MYO5C: variants seen among roughly 807,000 people sequenced by gnomAD.
MYO5C encodes myosin VC.
A neutral mutation model predicts 235.7 loss-of-function variants in MYO5C; 194 were observed. The observed-to-expected ratio is 0.82, with a 90% CI of 0.73 to 0.93. MYO5C has a LOEUF of 0.93. Ranked by LOEUF, MYO5C falls within the 40% of genes least tolerant of loss-of-function variation. The pLI, the probability that MYO5C is intolerant of heterozygous loss-of-function variation, is 0.00. For missense variants in MYO5C, 2,038 were observed against 2,127.2 expected, an observed-to-expected ratio of 0.96 and a Z score of 0.82; for synonymous variants, 707 against 754.8, an observed-to-expected ratio of 0.94 and a Z score of 1.04.
At chr15:52,229,428 T>C (rs1240788206) in intron 24 of MYO5C, 115 bp from the exon 25 acceptor site, 8 of 924,604 alleles carry the variant, frequency 8.7e-6, no homozygotes, top group Non-Finnish European at 1.3e-5. Context: ...AGTTCAAGAC[T>C]AGCCTGGGCA....
chr15:52,256,734 T>C lies in MYO5C; in HGVS notation c.1314-14A>G, dbSNP rs761336355. 2 of 1,591,544 alleles carry C rather than the reference T, an allele frequency of 1.3e-6. No homozygotes were observed. The highest frequency in any genetic ancestry group is 1.7e-6 in the Non-Finnish European group (2 of 1,160,694). ...AAGGTTTCAAAACTGAAATACAATTTAAACAAGTTAAAATATAACCTGAAG... is the reference window on the plus strand; with the variant it reads ...AAGGTTTCAAAACTGAAATACAATTCAAACAAGTTAAAATATAACCTGAAG... On this transcript the variant is annotated splice_polypyrimidine_tract_variant and intron_variant, in intron 10 of 40. Transcript: ENST00000261839.
Position 52,248,797 on chromosome 15 carries a change from G to A in MYO5C, c.1663-14C>T. 1 of 1,585,884 alleles carries A rather than the reference G, an allele frequency of 6.3e-7. No individual in the cohort carries two copies. The highest frequency in any genetic ancestry group is 1.1e-5 in the South Asian group (1 of 89,644). On this transcript the variant is annotated splice_polypyrimidine_tract_variant and intron_variant, in intron 13 of 40. Transcript: ENST00000261839. ...TTTATACTCTACCTATACAGAGAAA[G>A]CAATTAATTATTCCCAAAGAGGCCA...
Position 52,205,099 on chromosome 15 carries a change from T to C in MYO5C, c.4586A>G (p.Lys1529Arg). The C allele has an allele frequency of 6.2e-7, 1 of 1,614,198 alleles. No individual in the cohort carries two copies. Among genetic ancestry groups the C allele is most frequent in the Non-Finnish European group, 8.5e-7 (1 of 1,180,040 alleles). Residue 1529 changes from lysine to arginine, a missense_variant, in exon 38 of 41, where the codon AAG becomes AGG. By Grantham distance (26) the Lys-to-Arg change is conservative. Transcript: ENST00000261839. ...GGAGCGCTTCCGGAAGCCTGTGGGC[T>C]TCAGGCCGGAAATGCCCTGCAGGCT... Reference protein sequence around the residue: ...YESLQGISGLKPTGFRKRSSS... With the variant: ...YESLQGISGLRPTGFRKRSSS...
At chr15:52,248,901 A>C (rs373204215) in intron 13 of MYO5C, 118 bp from the exon 14 acceptor site, 9 of 699,724 alleles carry the variant, frequency 1.3e-5, no homozygotes, top group Non-Finnish European at 4.8e-6. Flanking sequence ...GCAATCTTAC[A>C]AAAAGACGTC....
At chr15:52,238,621 G>GTTTCT (rs777758125) in intron 21 of MYO5C, among the ~76,000 whole-genome samples, 37 of 152,262 alleles carry the variant, frequency 2.4e-4, no homozygotes, top group African/African-American at 7.7e-4. Flanking sequence ...GCATATGGAT[G>GTTTCT]TTTCTTTTCT....
intron 8 of MYO5C, among the ~76,000 whole-genome samples, chr15:52,267,488 T>C (rs1053778452): frequency 1.1e-4 from 17 of 152,040 alleles, no homozygotes; most frequent in African/African-American, 2.7e-4. Flanking sequence ...GAGTTCAAGA[T>C]TGGCCTGGGC....
intron 36 of MYO5C, 147 bp from the exon 37 acceptor site, chr15:52,206,113 A>T (rs111257980): frequency 2.0e-6 from 1 of 498,354 alleles, no homozygotes; most frequent in African/African-American, 2.0e-5. Flanking sequence ...TGTACCTTCT[A>T]TAAGAAAAAA....
chr15:52,272,581 T>C lies in MYO5C; in HGVS notation c.749A>G (p.Gln250Arg). Residue 250 changes from glutamine (Q) to arginine (R), a missense_variant and splice_region_variant, in exon 6 of 41, where the codon CAA (glutamine) becomes CGA (arginine). Physicochemically the swap from Gln to Arg is conservative, Grantham distance 43. Transcript: ENST00000261839. ...GGGAAAAGGAAATTTAATACTTACTTGAAAGACAACTCTGGATTTCTCCAG... is the reference window on the plus strand; with the variant it reads ...GGGAAAAGGAAATTTAATACTTACTCGAAAGACAACTCTGGATTTCTCCAG... Reference protein sequence around the residue: ...YLLEKSRVVFQSENERNYHIF... With the variant: ...YLLEKSRVVFRSENERNYHIF... 6.2e-7 allele frequency: 1 copy of C among 1,610,312 alleles called. No homozygotes were observed. Among genetic ancestry groups the C allele is most frequent in the Non-Finnish European group, 8.5e-7 (1 of 1,179,038 alleles).
chr15:52,245,321 G>C (rs1411013934), intron 18 of MYO5C, 33 bp downstream of exon 18: 2 of 1,374,258 alleles, frequency 1.5e-6, no homozygotes, highest in Non-Finnish European at 2.1e-6. Flanking sequence ...TTCCAGGAAG[G>C]AGACCATGAT....
chr15:52,238,963 T>C (rs2036151523), intron 21 of MYO5C, among the ~76,000 whole-genome samples: 1 of 150,054 alleles, frequency 6.7e-6, no homozygotes, highest in Non-Finnish European at 1.5e-5. Context: ...TCTTTTGTTT[T>C]TTTCTGAGAT....
chr15:52,295,328 G>C (rs540824060), intron 1 of MYO5C, among the ~76,000 whole-genome samples: 2,029 of 152,300 alleles, frequency 0.013, 53 homozygotes, highest in Non-Finnish European at 0.014. Context: ...CCCTCCCACA[G>C]GGTCTTCCCA....
chr15:52,272,469 A>G lies in MYO5C; in HGVS notation c.750+111T>C, dbSNP rs2036944776. On this transcript the variant is annotated intron_variant, in intron 6 of 40. Transcript: ENST00000261839. The stretch of plus-strand genomic sequence containing the variant: ...TCCAAACTGCAAATGAAAGACAAGA[A>G]AACCCTACTCTTCAACTCACAGCAT... 4.7e-6 allele frequency: 5 copies of G among 1,056,198 alleles called. No homozygotes were observed. The South Asian group carries it at 9.2e-5, about 19-fold the overall frequency. The allele number at this position is 1,056,198 out of a possible 1,614,324, so 65.4% of individuals were successfully genotyped here.
In MYO5C at chr15:52,205,411, T is replaced by A. The variant is rs2035288743; in HGVS notation, c.4538-264A>T. 1.6e-5 allele frequency: 8 copies of A among 485,816 alleles called. No homozygotes were observed. The South Asian group carries it at 2.4e-4, about 15-fold the overall frequency. 30.1% of individuals were successfully genotyped at this position (485,816 alleles called of 1,614,324 possible). ...TTTTCAGCTTCACAGGAAAGAAAGC[T>A]GCTTAGCATGACAAATCATGGCCTG... On this transcript the variant is annotated intron_variant, in intron 37 of 40. Transcript: ENST00000261839.
chr15:52,284,733 G>C (rs997828893), intron 1 of MYO5C, among the ~76,000 whole-genome samples: 2 of 152,120 alleles, frequency 1.3e-5, no homozygotes. Context: ...CAGATAGAAG[G>C]ACAGAAAGAT....
rs770573242 is a variant in MYO5C at position 52,278,966 on chromosome 15, T to C, written c.356A>G (p.Asp119Gly). The part of the protein sequence containing the change: ...NPYKQLPIYG[D>G]AIIHAYSGQN... ...CCCGCTGTAGGCGTGGATGATGGCATCTCCGTATATTGGCAACTGCTTGTA... is the reference window on the plus strand; with the variant it reads ...CCCGCTGTAGGCGTGGATGATGGCACCTCCGTATATTGGCAACTGCTTGTA... Residue 119 changes from aspartate (D) to glycine (G), a missense_variant, in exon 4 of 41, where the codon GAT becomes GGT. Physicochemically the swap from Asp to Gly is moderately conservative, Grantham distance 94. Transcript: ENST00000261839. The C allele has an allele frequency of 6.2e-7, 1 of 1,614,000 alleles. No homozygotes were observed. The highest frequency in any genetic ancestry group is 2.2e-5 in the East Asian group (1 of 44,876).
At chr15:52,246,769 A>G in intron 16 of MYO5C, 148 bp downstream of exon 16, 1 of 580,808 alleles carries the variant, frequency 1.7e-6, no homozygotes, top group Non-Finnish European at 3.0e-6. Context: ...CTGAGCTAAC[A>G]TTTTATGTAA....
intron 32 of MYO5C, among the ~76,000 whole-genome samples, chr15:52,216,851 G>C (rs1426431447): frequency 1.3e-5 from 2 of 152,170 alleles, no homozygotes; most frequent in African/African-American, 4.8e-5. Context: ...CCTTATAACA[G>C]ATGGAAAAGA....
At chr15:52,269,685 C>G (rs979761281) in intron 8 of MYO5C, 68 bp downstream of exon 8, 1 of 1,095,940 alleles carries the variant, frequency 9.1e-7, no homozygotes, top group African/African-American at 1.6e-5. Context: ...GCCACCACGC[C>G]TGGCCTTAAT....
intron 9 of MYO5C, 78 bp from the exon 10 acceptor site, chr15:52,261,205 TGC>T: frequency 6.5e-7 from 1 of 1,532,902 alleles, no homozygotes; most frequent in Admixed American, 1.8e-5. Flanking sequence ...AAGGCCCCCG[TGC>T]CCACACTCAG....
Sources: allele counts gnomAD v4.1 joint callset (sites outside exome capture counted in the v4.1 genomes callset), GRCh38; gene constraint gnomAD v4.1.1; transcripts MANE v1.5; gene names NCBI Gene and HGNC (gene_info 2026-07-23, HGNC 2026-07-21).